The following DCDC1 variants were observed in gnomAD, a reference collection of about 807,000 sequenced individuals.
DCDC1 encodes doublecortin domain containing 1, also known as doublecortin domain-containing protein 1.
Under a neutral mutation model 178.3 loss-of-function variants are expected in DCDC1, and 200 were observed. The ratio of observed to expected loss-of-function variants is 1.12; its 90% CI spans 1.00 to 1.26. The LOEUF is 1.26. Ranked by LOEUF, DCDC1 falls within the 50% of genes most tolerant of loss-of-function variation. DCDC1 has a pLI of 0.00. For synonymous variants in DCDC1, 690 were observed against 604.8 expected, an observed-to-expected ratio of 1.14 and a Z score of -2.07; for missense variants, 1,983 against 1,749.2, an observed-to-expected ratio of 1.13 and a Z score of -2.38.
chr11:31,118,080 C>T (rs1453643607), intron 11 of DCDC1, among the ~76,000 whole-genome samples: 1 of 151,980 alleles, frequency 6.6e-6, no homozygotes, highest in Non-Finnish European at 1.5e-5. Context: ...ATGAGAAAAA[C>T]ATAGTCATGT....
At chr11:31,361,860 G>A (rs974198463) in intron 1 of DCDC1, among the ~76,000 whole-genome samples, 2 of 152,160 alleles carry the variant, frequency 1.3e-5, no homozygotes, top group African/African-American at 2.4e-5. Context: ...CAAATCCAAC[G>A]CAGGAACTAA....
At chr11:31,263,250 AG>A (rs1401033515) in intron 8 of DCDC1, among the ~76,000 whole-genome samples, 2 of 152,210 alleles carry the variant, frequency 1.3e-5, no homozygotes, top group South Asian at 2.1e-4. Context: ...TAGGGTATTA[AG>A]AAAATATGTT....
chr11:30,953,234 T>C (rs1217701819), intron 20 of DCDC1, among the ~76,000 whole-genome samples: 2 of 148,852 alleles, frequency 1.3e-5, no homozygotes, highest in African/African-American at 4.9e-5. Context: ...TTCGACCACA[T>C]ATTATATTAA....
intron 20 of DCDC1, among the ~76,000 whole-genome samples, chr11:31,060,657 T>C (rs1206085306): frequency 6.6e-6 from 1 of 152,156 alleles, no homozygotes; most frequent in Non-Finnish European, 1.5e-5. Flanking sequence ...TTTAAAATGC[T>C]CTTCATAACT....
intron 20 of DCDC1, among the ~76,000 whole-genome samples, chr11:31,041,560 T>C (rs1162798597): frequency 6.6e-6 from 1 of 152,158 alleles, no homozygotes; most frequent in Non-Finnish European, 1.5e-5. Flanking sequence ...GCCAAGGTCA[T>C]ACAGCTAGTA....
At position 31,321,509 on chromosome 11, in the gene DCDC1, C is replaced by T. The variant is rs561244486; in HGVS notation, c.164+6608G>A. ...GGTGAGGCAATGCCTCGCCCAGCTT[C>T]GGCTCGCGCACGGTGCACACACACA... is the stretch of plus-strand genomic sequence containing the variant. On this transcript the variant is annotated intron_variant, in intron 3 of 38. Coordinates refer to ENST00000684477, the MANE Select transcript of DCDC1 (RefSeq NM_001387274.1). Among the ~76,000 whole-genome samples, 23 of 152,260 alleles carry T rather than the reference C, an allele frequency of 1.5e-4. No homozygotes were observed. In the East Asian group the frequency reaches 1.9e-3, roughly 13 times the overall value.
At chr11:30,881,749 T>C (rs530979044) in intron 36 of DCDC1, among the ~76,000 whole-genome samples, 43 of 152,314 alleles carry the variant, frequency 2.8e-4, no homozygotes, top group African/African-American at 9.6e-4. Context: ...TCCTCAATGA[T>C]AAAATGAAAA....
chr11:31,330,953 G>A (rs1327161781), intron 2 of DCDC1, among the ~76,000 whole-genome samples: 1 of 152,122 alleles, frequency 6.6e-6, no homozygotes, highest in African/African-American at 2.4e-5. Context: ...GCTTGATGGG[G>A]ATGCCACTGA....
At chr11:31,299,100 A>C (rs928372961) in intron 6 of DCDC1, among the ~76,000 whole-genome samples, 9 of 152,222 alleles carry the variant, frequency 5.9e-5, no homozygotes, top group Non-Finnish European at 2.9e-5. Context: ...ATGTTTGGTA[A>C]ATAGATTAAA....
chr11:30,996,379 A>G (rs1052762840), intron 20 of DCDC1, among the ~76,000 whole-genome samples: 1 of 152,162 alleles, frequency 6.6e-6, no homozygotes, highest in African/African-American at 2.4e-5. Context: ...ACAGCTTGGT[A>G]CATATTTATA....
intron 32 of DCDC1, among the ~76,000 whole-genome samples, chr11:30,901,276 CT>C (rs1264955756): frequency 6.6e-6 from 1 of 152,086 alleles, no homozygotes; most frequent in African/African-American, 2.4e-5. Flanking sequence ...TTACTATATA[CT>C]GGGTATTTTA....
chr11:31,001,050 G>A (rs1402575218), intron 20 of DCDC1, among the ~76,000 whole-genome samples: 3 of 152,090 alleles, frequency 2.0e-5, no homozygotes, highest in African/African-American at 7.2e-5. Flanking sequence ...TAACAGCTGT[G>A]AAATTATGAT....
chr11:30,901,674 C>T (rs1159265995), intron 32 of DCDC1, among the ~76,000 whole-genome samples: 4 of 152,094 alleles, frequency 2.6e-5, no homozygotes, highest in Non-Finnish European at 5.9e-5. Flanking sequence ...GATAGTCCTA[C>T]ACTAATAATA....
intron 20 of DCDC1, among the ~76,000 whole-genome samples, chr11:30,968,713 A>T (rs953161153): frequency 1.6e-4 from 18 of 115,572 alleles, no homozygotes; most frequent in East Asian, 7.0e-4. Flanking sequence ...ATATCAAATT[A>T]TATATATATA....
chr11:31,068,389 A>G (rs1035765679), intron 18 of DCDC1, among the ~76,000 whole-genome samples: 1 of 152,190 alleles, frequency 6.6e-6, no homozygotes, highest in East Asian at 1.9e-4. Context: ...TGACTTAACA[A>G]ACATATACAT....
intron 17 of DCDC1, among the ~76,000 whole-genome samples, chr11:31,079,836 G>C (rs148417043): frequency 6.6e-6 from 1 of 152,172 alleles, no homozygotes; most frequent in African/African-American, 2.4e-5. Context: ...GTAAGTCTCA[G>C]ATGTCAAAAT....
rs1384382993 is a variant in DCDC1, at chr11:31,131,139, G to A, written c.1315-3500C>T. ...GGAGCTTGCAGTGAGCCGAGATTGC[G>A]CCACTGCAGTCCGCAGTCCGGCCTG... On this transcript the variant is annotated intron_variant, in intron 10 of 38. Coordinates refer to ENST00000684477, the MANE Select transcript of DCDC1 (RefSeq NM_001387274.1). Among the ~76,000 whole-genome samples the A allele has an allele frequency of 1.8e-5, 2 of 109,916 alleles. 1 individual carries two copies. The highest frequency in any genetic ancestry group is 1.8e-4 in the Admixed American group (2 of 10,912). The allele number at this position is 109,916 out of a possible 152,430, so 72.1% of individuals were successfully genotyped here. A position where few individuals can be genotyped will look rare whatever the true frequency, so the allele number is the denominator to read the frequency against.
Position 31,246,012 on chromosome 11 carries a change from T to G in DCDC1, c.1055-4396A>C, listed in dbSNP as rs565862968. On this transcript the variant is annotated intron_variant, in intron 8 of 38. Transcript: ENST00000684477. ...TCAAATTTGTCTATCAGATTTAGAC[T>G]GGAATATTCTGTCATGATCTATACC... Among the ~76,000 whole-genome samples the G allele has an allele frequency of 4.6e-5, 7 of 151,992 alleles. No individual in the cohort carries two copies. In the South Asian group the frequency reaches 1.5e-3, roughly 32 times the overall value.
intron 1 of DCDC1, among the ~76,000 whole-genome samples, chr11:31,351,001 A>C (rs574440360): frequency 5.3e-5 from 8 of 152,198 alleles, no homozygotes; most frequent in African/African-American, 1.7e-4. Context: ...TCAGAAATTT[A>C]TTATGAATCA....
Sources: gnomAD v4.1 joint callset for allele counts (sites outside exome capture counted in the v4.1 genomes callset) on GRCh38, gnomAD v4.1.1 for gene constraint, MANE v1.5 for transcripts, NCBI Gene and HGNC (gene_info 2026-07-23, HGNC 2026-07-21) for gene names.